Variants in ARID2 observed in about 807,000 individuals in gnomAD.
The protein encoded by ARID2 is AT-rich interactive domain-containing protein 2.
In ARID2, 32 loss-of-function variants were observed where a neutral mutation model predicts 184.6. That is an observed-to-expected ratio of 0.17 (90% CI 0.13 to 0.23). The LOEUF (loss-of-function observed/expected upper bound fraction) is 0.23. ARID2 is among the 10% of genes least tolerant of loss of function. The probability of loss-of-function intolerance (pLI) is 1.00; values close to 1 mark genes in which losing one functional copy is unlikely to be tolerated. For missense variants in ARID2, 1,696 were observed against 2,197.6 expected (o/e 0.77, Z 4.56); for synonymous variants, 836 against 772.6 (o/e 1.08, Z -1.36).
At chr12:45,762,329 T>A (rs1424346115) in intron 3 of ARID2, among the ~76,000 whole-genome samples, 1 of 152,220 alleles carries the variant, frequency 6.6e-6, no homozygotes, top group Non-Finnish European at 1.5e-5. Context: ...TGTGGCTCTC[T>A]CCTGTTTCTT....
In ARID2 at chr12:45,889,430, T is replaced by A. The variant is rs76453277; in HGVS notation, c.4923-2350T>A. On this transcript the variant is annotated intron_variant, in intron 16 of 20. Transcript: ENST00000334344. ...CCTTAAATGAACATATTGTTTATGA[T>A]TTGCGGGTTGCTGATAGGGAGTGGA... Among the ~76,000 whole-genome samples, 1,072 of 152,284 alleles carry A rather than the reference T, an allele frequency of 7.0e-3. 10 individuals carry two copies. The highest frequency in any genetic ancestry group is 0.024 in the African/African-American group (1,012 of 41,554).
intron 16 of ARID2, among the ~76,000 whole-genome samples, chr12:45,868,621 T>G (rs1368422371): frequency 6.6e-6 from 1 of 152,184 alleles, no homozygotes; most frequent in Non-Finnish European, 1.5e-5. Context: ...ACATTAATAT[T>G]TTTACTTTTT....
chr12:45,821,699 T>G (rs1342944854), intron 6 of ARID2, among the ~76,000 whole-genome samples: 1 of 152,230 alleles, frequency 6.6e-6, no homozygotes, highest in African/African-American at 2.4e-5. Context: ...TTTCATTGAT[T>G]TCTGTGAATA....
chr12:45,882,114 C>G (rs1422692774), intron 16 of ARID2: 3 of 160,432 alleles, frequency 1.9e-5, no homozygotes, highest in Non-Finnish European at 2.7e-5. Context: ...GTACCACACT[C>G]TTAGAGCGGG....
At chr12:45,754,564 C>T (rs776176398) in intron 3 of ARID2, among the ~76,000 whole-genome samples, 1 of 152,156 alleles carries the variant, frequency 6.6e-6, no homozygotes, top group Non-Finnish European at 1.5e-5. Flanking sequence ...TTTTCATTGC[C>T]TGACATACTC....
At chr12:45,844,935 A>T (rs1043130510) in intron 11 of ARID2, among the ~76,000 whole-genome samples, 6 of 152,186 alleles carry the variant, frequency 3.9e-5, no homozygotes, top group Non-Finnish European at 8.8e-5. Context: ...AGAGGAGGTG[A>T]TATTCTCATG....
chr12:45,845,242 A>G (rs761118208), intron 11 of ARID2, among the ~76,000 whole-genome samples: 12 of 152,192 alleles, frequency 7.9e-5, no homozygotes, highest in Non-Finnish European at 1.5e-4. Flanking sequence ...CTTTCATAGT[A>G]GAGATGATAA....
At position 45,739,438 on chromosome 12, in the gene ARID2, C is replaced by CTTTT. The variant is rs71067906; in HGVS notation, c.284+8145_284+8148dup. 6.2e-3 allele frequency among the ~76,000 whole-genome samples: 559 copies of CTTTT among 90,714 alleles called. 18 individuals carry two copies. The highest frequency in any genetic ancestry group is 7.9e-3 in the African/African-American group (176 of 22,176). The allele number at this position is 90,714 out of a possible 152,430, so 59.5% of individuals were successfully genotyped here. A position where few individuals can be genotyped will look rare whatever the true frequency, so the allele number is the denominator to read the frequency against. Reference sequence around the variant, plus strand: ...ATAATTGGGATAAAATATAAAGTTACTTTTTTTTTTTTTTTTTTTTTTTTG... The same window carrying CTTTT: ...ATAATTGGGATAAAATATAAAGTTACTTTTTTTTTTTTTTTTTTTTTTTTTTTTG... On this transcript the variant is annotated intron_variant, in intron 3 of 20. Transcript: ENST00000334344.
chr12:45,743,860 ATTG>A (rs1446293977), intron 3 of ARID2, among the ~76,000 whole-genome samples: 1 of 152,016 alleles, frequency 6.6e-6, no homozygotes, highest in African/African-American at 2.4e-5. Flanking sequence ...GGATATTGTT[ATTG>A]TTGTTGCTAT....
At position 45,743,810 on chromosome 12, in the gene ARID2, C is replaced by T. The variant is rs148958877; in HGVS notation, c.284+12496C>T. Among the ~76,000 whole-genome samples, 8 of 152,188 alleles carry T rather than the reference C, an allele frequency of 5.3e-5. No individual in the cohort carries two copies. In the East Asian group the frequency reaches 1.5e-3, roughly 29 times the overall value. ...TGTGTCATTCAGAGCCTAAAGTTTT[C>T]TTTATATAGGGTTTGAACATTTCTA... On this transcript the variant is annotated intron_variant, in intron 3 of 20. Transcript: ENST00000334344.
intron 3 of ARID2, among the ~76,000 whole-genome samples, chr12:45,792,279 A>G (rs1223972061): frequency 4.6e-5 from 7 of 152,266 alleles, no homozygotes; most frequent in East Asian, 1.9e-4. Flanking sequence ...CCTACTTTCT[A>G]CAGTATTAGG....
At chr12:45,898,382 A>G (rs1944398481) in intron 20 of ARID2, among the ~76,000 whole-genome samples, 1 of 152,204 alleles carries the variant, frequency 6.6e-6, no homozygotes, top group South Asian at 2.1e-4. Flanking sequence ...AACAGTATGA[A>G]TGTACTTAAT....
chr12:45,838,492 G>A (rs1472178831), intron 10 of ARID2, among the ~76,000 whole-genome samples: 1 of 152,166 alleles, frequency 6.6e-6, no homozygotes, highest in African/African-American at 2.4e-5. Flanking sequence ...CCACTGCTGG[G>A]CATGGTGGCT....
intron 3 of ARID2, among the ~76,000 whole-genome samples, chr12:45,758,214 A>G (rs1413842108): frequency 1.3e-5 from 2 of 152,146 alleles, no homozygotes; most frequent in Non-Finnish European, 2.9e-5. Flanking sequence ...ACAAACATTA[A>G]AGGCATTTCA....
At chr12:45,772,911 A>G (rs372092625) in intron 3 of ARID2, among the ~76,000 whole-genome samples, 2 of 152,206 alleles carry the variant, frequency 1.3e-5, no homozygotes, top group Non-Finnish European at 2.9e-5. Context: ...GACCAAACAG[A>G]CACTATCCAA....
intron 3 of ARID2, among the ~76,000 whole-genome samples, chr12:45,735,412 CTG>C (rs955398047): frequency 7.3e-6 from 1 of 136,964 alleles, no homozygotes; most frequent in Admixed American, 7.8e-5. Flanking sequence ...ACTTTATAAA[CTG>C]TATCGTGTGT....
chr12:45,764,308 T>A (rs1193719863), intron 3 of ARID2, among the ~76,000 whole-genome samples: 1 of 152,206 alleles, frequency 6.6e-6, no homozygotes, highest in African/African-American at 2.4e-5. Flanking sequence ...TAACTCTATG[T>A]TGTTGGAGTT....
chr12:45,811,407 TTC>T lies in ARID2; in HGVS notation c.285-9_285-8del, dbSNP rs777169222. The T allele has an allele frequency of 6.2e-7, 1 of 1,607,856 alleles. No individual in the cohort carries two copies. The highest frequency in any genetic ancestry group is 8.5e-7 in the Non-Finnish European group (1 of 1,176,564). On this transcript the variant is annotated splice_polypyrimidine_tract_variant and intron_variant, in intron 3 of 20. Transcript: ENST00000334344. ...TTTTTAAATGTTTGCTGTGCTGTTTTTCTGTTTCAGTTACCTAGAAAAGTACG... is the reference window on the plus strand; with the variant it reads ...TTTTTAAATGTTTGCTGTGCTGTTTTTGTTTCAGTTACCTAGAAAAGTACG...
chr12:45,765,597 A>G (rs1408522267), intron 3 of ARID2, among the ~76,000 whole-genome samples: 1 of 151,724 alleles, frequency 6.6e-6, no homozygotes, highest in Non-Finnish European at 1.5e-5. Context: ...TGATTCGCAG[A>G]TATTTTCACA....
Sources: allele counts gnomAD v4.1 joint callset (sites outside exome capture counted in the v4.1 genomes callset), GRCh38; gene constraint gnomAD v4.1.1; transcripts MANE v1.5; gene names NCBI Gene and HGNC (gene_info 2026-07-23, HGNC 2026-07-21).